Variants in CLASP1 observed in about 807,000 individuals in gnomAD.
CLASP1 encodes CLIP-associating protein 1.
A neutral mutation model predicts 192.3 loss-of-function variants in CLASP1; 38 were observed. The observed-to-expected ratio is 0.20, with a 90% CI of 0.15 to 0.26. The LOEUF is 0.26. CLASP1 is among the 10% of genes least tolerant of loss of function. CLASP1 has a pLI of 1.00. For synonymous variants in CLASP1, 691 were observed against 712.8 expected, an observed-to-expected ratio of 0.97 and a Z score of 0.49; for missense variants, 1,433 against 1,932.5, an observed-to-expected ratio of 0.74 and a Z score of 4.85.
At chr2:121,433,012 T>G (rs1038002131) in intron 19 of CLASP1, among the ~76,000 whole-genome samples, 1 of 152,132 alleles carries the variant, frequency 6.6e-6, no homozygotes, top group Non-Finnish European at 1.5e-5. Flanking sequence ...TCACAGAAAG[T>G]GTATCTGCCA....
intron 1 of CLASP1, among the ~76,000 whole-genome samples, chr2:121,638,395 C>T (rs769689536): frequency 5.9e-5 from 9 of 152,010 alleles, no homozygotes; most frequent in Non-Finnish European, 1.0e-4. Context: ...ATGGTACAGC[C>T]ACTGTGAAAA....
chr2:121,468,448 C>T (rs1021594876), intron 9 of CLASP1, among the ~76,000 whole-genome samples: 4 of 152,174 alleles, frequency 2.6e-5, no homozygotes, highest in Non-Finnish European at 4.4e-5. Flanking sequence ...TCTCTGATCT[C>T]TTTGAGCAGT....
At chr2:121,631,243 T>A (rs1338791722) in intron 1 of CLASP1, among the ~76,000 whole-genome samples, 1 of 150,224 alleles carries the variant, frequency 6.7e-6, no homozygotes, top group African/African-American at 2.4e-5. Flanking sequence ...ATATTTTAAT[T>A]CAAAAAATGA....
chr2:121,576,852 T>C (rs1437223227), intron 2 of CLASP1, among the ~76,000 whole-genome samples: 6 of 152,140 alleles, frequency 3.9e-5, no homozygotes, highest in Admixed American at 3.3e-4. Context: ...AAGTTCTTTA[T>C]AGAAGAATCA....
chr2:121,338,368 A>G (rs1177320615), exon 40 of CLASP1: 1 of 152,342 alleles, frequency 6.6e-6, no homozygotes, highest in Non-Finnish European at 1.5e-5. Context: ...GGGAGGCAGC[A>G]GCTTGGAGGA....
At chr2:121,567,472 T>C (rs536721965) in intron 2 of CLASP1, among the ~76,000 whole-genome samples, 2 of 152,204 alleles carry the variant, frequency 1.3e-5, no homozygotes, top group South Asian at 2.1e-4. Context: ...TCTTATAAGA[T>C]CCAGCTCCAG....
At chr2:121,365,262 C>T in exon 36 of CLASP1, 1 of 1,613,270 alleles carries the variant, frequency 6.2e-7, no homozygotes, top group Non-Finnish European at 8.5e-7. Context: ...GGTCAGCCAC[C>T]AGGTCAGAAT....
intron 30 of CLASP1, among the ~76,000 whole-genome samples, chr2:121,393,648 T>C (rs1012206836): frequency 6.6e-6 from 1 of 152,112 alleles, no homozygotes; most frequent in Admixed American, 6.5e-5. Flanking sequence ...GCAACTATAT[T>C]TATAAATGTT....
At chr2:121,514,226 G>C (rs573112615) in intron 7 of CLASP1, among the ~76,000 whole-genome samples, 1 of 152,216 alleles carries the variant, frequency 6.6e-6, no homozygotes, top group Non-Finnish European at 1.5e-5. Flanking sequence ...GTGTAAAATG[G>C]TGGATTCATG....
intron 17 of CLASP1, 34 bp from the exon 18 acceptor site, chr2:121,448,359 T>C (rs748811494): frequency 1.4e-6 from 2 of 1,457,532 alleles, no homozygotes; most frequent in Middle Eastern, 1.7e-4. Context: ...TTATTACATG[T>C]ACTGTACCTG....
exon 35 of CLASP1, chr2:121,367,799 G>A: frequency 6.2e-7 from 1 of 1,613,706 alleles, no homozygotes; most frequent in Non-Finnish European, 8.5e-7. Context: ...GGCCCTCAGT[G>A]GCAGGGGAGG....
intron 2 of CLASP1, among the ~76,000 whole-genome samples, chr2:121,596,132 A>G (rs2063115676): frequency 6.6e-6 from 1 of 152,222 alleles, no homozygotes; most frequent in Non-Finnish European, 1.5e-5. Flanking sequence ...GCCACTAATT[A>G]CATACATCAA....
At chr2:121,492,196 T>C (rs1291576737) in intron 8 of CLASP1, among the ~76,000 whole-genome samples, 1 of 151,990 alleles carries the variant, frequency 6.6e-6, no homozygotes, top group Non-Finnish European at 1.5e-5. Context: ...GAAACCATCC[T>C]GGATAATACG....
At chr2:121,633,997 C>G in intron 1 of CLASP1, among the ~76,000 whole-genome samples, 1 of 93,058 alleles carries the variant, frequency 1.1e-5, no homozygotes, top group African/African-American at 4.1e-5. Flanking sequence ...GACTCCGTCT[C>G]AAAAAAAAAA....
At chr2:121,519,312 C>A (rs1198436502) in intron 6 of CLASP1, among the ~76,000 whole-genome samples, 3 of 152,086 alleles carry the variant, frequency 2.0e-5, no homozygotes, top group Non-Finnish European at 4.4e-5. Context: ...CTACACAGGC[C>A]AGGCAGTGAC....
intron 7 of CLASP1, among the ~76,000 whole-genome samples, chr2:121,514,919 T>G (rs1394097981): frequency 1.3e-5 from 2 of 152,186 alleles, no homozygotes; most frequent in Non-Finnish European, 2.9e-5. Flanking sequence ...TCTAGGCCTC[T>G]GGGGTTTCCA....
chr2:121,628,762 G>C (rs1322568302), intron 1 of CLASP1, among the ~76,000 whole-genome samples: 1 of 150,626 alleles, frequency 6.6e-6, no homozygotes, highest in Non-Finnish European at 1.5e-5. Context: ...TAATACATAG[G>C]ACAATTTGGC....
In CLASP1 at chr2:121,636,511, C is replaced by T. The variant is rs1422930916; in HGVS notation, c.-286+12861G>A. 2.7e-5 allele frequency among the ~76,000 whole-genome samples: 4 copies of T among 150,432 alleles called. No homozygotes were observed. In the East Asian group the frequency reaches 7.8e-4, roughly 29 times the overall value. On this transcript the variant is annotated intron_variant, in intron 1 of 39. Transcript: ENST00000263710. Reference sequence around the variant, plus strand: ...AAACCCCATCTCTACTAAAAAAATACAAAATTAGCAGGGTGAGGTGGCTCA... The same window carrying T: ...AAACCCCATCTCTACTAAAAAAATATAAAATTAGCAGGGTGAGGTGGCTCA...
intron 6 of CLASP1, among the ~76,000 whole-genome samples, chr2:121,516,979 G>A (rs920312654): frequency 6.6e-6 from 1 of 152,154 alleles, no homozygotes; most frequent in African/African-American, 2.4e-5. Context: ...AGCTGAGATC[G>A]TGCCACTGCA....
Sources: allele counts gnomAD v4.1 joint callset (sites outside exome capture counted in the v4.1 genomes callset), GRCh38; gene constraint gnomAD v4.1.1; transcripts MANE v1.5; gene names NCBI Gene and HGNC (gene_info 2026-07-23, HGNC 2026-07-21).